Variants in PPP1R9A observed in about 807,000 individuals in gnomAD.
The protein encoded by PPP1R9A is neurabin-1.
PPP1R9A carries 59 observed loss-of-function variants against 141.9 expected under a neutral mutation model. The observed-to-expected ratio is 0.42, with a 90% confidence interval of 0.34 to 0.52. The LOEUF is 0.52. PPP1R9A is among the 20% of genes least tolerant of loss of function. The pLI is 0.10. For missense variants in PPP1R9A, 1,444 were observed against 1,611.9 expected, an observed-to-expected ratio of 0.90 and a Z score of 1.78; for synonymous variants, 500 against 569.7, an observed-to-expected ratio of 0.88 and a Z score of 1.74.
chr7:95,247,148 C>T (rs1026700813), intron 8 of PPP1R9A, among the ~76,000 whole-genome samples: 3 of 152,168 alleles, frequency 2.0e-5, no homozygotes, highest in Non-Finnish European at 4.4e-5. Context: ...GTTAGCTAGA[C>T]TTAGCAAGGA....
chr7:95,033,247 C>T (rs1807953858), intron 2 of PPP1R9A, among the ~76,000 whole-genome samples: 1 of 149,754 alleles, frequency 6.7e-6, no homozygotes. Context: ...ATCTCCTGAC[C>T]TCGTGATCCG....
chr7:95,186,243 C>G (rs951509693), intron 5 of PPP1R9A, among the ~76,000 whole-genome samples: 3 of 147,504 alleles, frequency 2.0e-5, no homozygotes, highest in African/African-American at 7.4e-5. Flanking sequence ...TCTTTCGAAA[C>G]TCCCTAAATA....
chr7:95,265,113 A>G (rs1378280057), intron 12 of PPP1R9A, among the ~76,000 whole-genome samples: 1 of 152,168 alleles, frequency 6.6e-6, no homozygotes, highest in Non-Finnish European at 1.5e-5. Context: ...TAAAGCCAAA[A>G]AAAATCCCTC....
intron 2 of PPP1R9A, among the ~76,000 whole-genome samples, chr7:95,080,831 C>T (rs1008711855): frequency 2.6e-5 from 4 of 152,008 alleles, no homozygotes; most frequent in African/African-American, 9.7e-5. Flanking sequence ...TCCTACAGAA[C>T]GAAGTAGATG....
intron 8 of PPP1R9A, among the ~76,000 whole-genome samples, chr7:95,230,934 T>G (rs1795833981): frequency 6.6e-6 from 1 of 152,150 alleles, no homozygotes; most frequent in African/African-American, 2.4e-5. Flanking sequence ...GTAAATGGCC[T>G]AAATACTCCA....
chr7:95,194,496 TAGAC>T (rs1835945442), intron 5 of PPP1R9A, among the ~76,000 whole-genome samples: 1 of 151,968 alleles, frequency 6.6e-6, no homozygotes, highest in African/African-American at 2.4e-5. Flanking sequence ...GACAAATAAA[TAGAC>T]AGATAGGAAA....
chr7:95,249,279 A>C (rs377611174), intron 9 of PPP1R9A, among the ~76,000 whole-genome samples: 2 of 152,210 alleles, frequency 1.3e-5, no homozygotes, highest in East Asian at 3.8e-4. Flanking sequence ...AGCTTGAGAA[A>C]TTCATTACAC....
At chr7:94,988,265 C>T (rs1038849479) in intron 2 of PPP1R9A, among the ~76,000 whole-genome samples, 1 of 152,058 alleles carries the variant, frequency 6.6e-6, no homozygotes, top group African/African-American at 2.4e-5. Flanking sequence ...AAACAAAAAT[C>T]AAGAATATTA....
chr7:95,072,127 A>G (rs1267634657), intron 2 of PPP1R9A, among the ~76,000 whole-genome samples: 1 of 150,830 alleles, frequency 6.6e-6, no homozygotes, highest in East Asian at 1.9e-4. Flanking sequence ...TGTTAAATCC[A>G]TAATATATTA....
intron 7 of PPP1R9A, among the ~76,000 whole-genome samples, chr7:95,207,645 G>A (rs1484206826): frequency 6.6e-6 from 1 of 152,016 alleles, no homozygotes; most frequent in Non-Finnish European, 1.5e-5. Flanking sequence ...TGGAAGGCAA[G>A]TAAAAGAAAT....
chr7:95,186,384 G>C (rs145217183), intron 5 of PPP1R9A, among the ~76,000 whole-genome samples: 1 of 152,100 alleles, frequency 6.6e-6, no homozygotes, highest in Non-Finnish European at 1.5e-5. Flanking sequence ...AAATCTTACT[G>C]AACTTATTTG....
intron 8 of PPP1R9A, among the ~76,000 whole-genome samples, chr7:95,229,706 G>A (rs1795648986): frequency 1.3e-5 from 2 of 152,050 alleles, no homozygotes; most frequent in South Asian, 2.1e-4. Context: ...GAAGACAAAG[G>A]TTATAATCTC....
At chr7:95,090,531 AG>A (rs1422183125) in intron 2 of PPP1R9A, among the ~76,000 whole-genome samples, 1 of 151,982 alleles carries the variant, frequency 6.6e-6, no homozygotes, top group Non-Finnish European at 1.5e-5. Context: ...AAAATCAGCC[AG>A]GCACGATGGC....
intron 5 of PPP1R9A, among the ~76,000 whole-genome samples, chr7:95,182,742 T>G (rs1174042771): frequency 6.6e-6 from 1 of 152,154 alleles, no homozygotes; most frequent in Non-Finnish European, 1.5e-5. Flanking sequence ...CTACTATGGA[T>G]TTTGGATCAT....
At chr7:94,929,934 T>G (rs1793950234) in intron 2 of PPP1R9A, among the ~76,000 whole-genome samples, 1 of 152,208 alleles carries the variant, frequency 6.6e-6, no homozygotes, top group South Asian at 2.1e-4. Flanking sequence ...TGTGACTATT[T>G]TTTATTTATC....
At chr7:95,286,539 C>T (rs1256962948) in intron 18 of PPP1R9A, among the ~76,000 whole-genome samples, 3 of 152,266 alleles carry the variant, frequency 2.0e-5, no homozygotes, top group South Asian at 2.1e-4. Context: ...CCCTTTTACA[C>T]GTATATGTAA....
rs139971022 is a variant in PPP1R9A at position 95,002,567 on chromosome 7, T to C, written c.1395+91059T>C. 4.9e-4 allele frequency among the ~76,000 whole-genome samples: 75 copies of C among 152,220 alleles called. 1 individual carries two copies. The East Asian group carries it at 8.7e-3, about 18-fold the overall frequency. ...TAGACGTGATGTTGCATTTGTGAGC[T>C]TGGAACCCAGAGTTAAAAGAAAATA... On this transcript the variant is annotated intron_variant, in intron 2 of 19. Transcript: ENST00000433360.
intron 2 of PPP1R9A, among the ~76,000 whole-genome samples, chr7:94,959,477 G>T (rs923690183): frequency 1.3e-5 from 2 of 151,504 alleles, no homozygotes; most frequent in African/African-American, 4.8e-5. Context: ...GTTTTTGAAT[G>T]ATACTTAGTC....
At chr7:95,125,915 C>T (rs778744405) in intron 4 of PPP1R9A, among the ~76,000 whole-genome samples, 2 of 151,872 alleles carry the variant, frequency 1.3e-5, no homozygotes, top group Admixed American at 6.6e-5. Context: ...GCAAATTCAC[C>T]CCCTCTTAGG....
Sources: gnomAD v4.1 joint callset for allele counts (sites outside exome capture counted in the v4.1 genomes callset) on GRCh38, gnomAD v4.1.1 for gene constraint, MANE v1.5 for transcripts, NCBI Gene and HGNC (gene_info 2026-07-23, HGNC 2026-07-21) for gene names.